Variants in FHOD3 observed in about 807,000 individuals in gnomAD.
FHOD3 encodes the protein formin homology 2 domain containing 3.
FHOD3 carries 90 observed loss-of-function variants against 173.0 expected under a neutral mutation model. The observed-to-expected ratio is 0.52, with a 90% CI of 0.44 to 0.62. The LOEUF (loss-of-function observed/expected upper bound fraction) is 0.62. Among genes scored for constraint, FHOD3 ranks in the 20% least tolerant of loss-of-function variants. The pLI is 0.00. For missense variants in FHOD3, 1,945 were observed against 2,034.7 expected, an observed-to-expected ratio of 0.96 and a Z score of 0.85; for synonymous variants, 828 against 823.0, an observed-to-expected ratio of 1.01 and a Z score of -0.10.
At position 36,649,335 on chromosome 18, in the gene FHOD3, G is replaced by A; in HGVS notation, c.1216G>A (p.Glu406Lys). 1.3e-6 allele frequency: 2 copies of A among 1,535,836 alleles called. No homozygotes were observed. Among genetic ancestry groups the A allele is most frequent in the Non-Finnish European group, 1.7e-6 (2 of 1,146,732 alleles). The change falls in exon 11 of 29, where the codon GAG (glutamate) becomes AAG (lysine). Residue 406 changes from glutamate to lysine, a missense_variant. By Grantham distance (56) the Glu-to-Lys change is moderately conservative. This residue lies in a region of FHOD3 where 1,099 missense variants were observed against 1,051.2 expected (regional missense o/e 1.05). Coordinates refer to ENST00000590592, the MANE Select transcript of FHOD3 (RefSeq NM_001281740.3). ...TCTCAGGGAGGAGGAGGAGGAAGAG[G>A]AGCAGCCAATCACGGAGCCCAGTTC... ...LREKEEEEEE[E>K]QPITEPSSEE...
chr18:36,664,463 G>A (rs116409675), intron 14 of FHOD3, among the ~76,000 whole-genome samples: 121 of 152,226 alleles, frequency 7.9e-4, no homozygotes, highest in African/African-American at 2.4e-3. Flanking sequence ...AATTGATTGC[G>A]TTACATCCAA....
At chr18:36,740,578 A>G (rs1354628470) in intron 20 of FHOD3, 78 bp from the exon 21 acceptor site, 1 of 1,318,896 alleles carries the variant, frequency 7.6e-7, no homozygotes, top group African/African-American at 1.5e-5. Flanking sequence ...AAATTATAAT[A>G]TGAATTTTAT....
chr18:36,322,816 A>T (rs989130064), intron 1 of FHOD3, among the ~76,000 whole-genome samples: 2 of 151,926 alleles, frequency 1.3e-5, no homozygotes, highest in Admixed American at 6.6e-5. Flanking sequence ...CATTTCCCTG[A>T]TAGGGTCATC....
chr18:36,621,958 A>G (rs1224540750), intron 9 of FHOD3, among the ~76,000 whole-genome samples: 1 of 152,230 alleles, frequency 6.6e-6, no homozygotes, highest in Non-Finnish European at 1.5e-5. Flanking sequence ...ATGATGGACG[A>G]ATCAATAAAG....
At chr18:36,307,386 A>G (rs997897553) in intron 1 of FHOD3, among the ~76,000 whole-genome samples, 1 of 152,162 alleles carries the variant, frequency 6.6e-6, no homozygotes, top group African/African-American at 2.4e-5. Context: ...AGAGGATGGA[A>G]ATAGGGTGGA....
intron 3 of FHOD3, among the ~76,000 whole-genome samples, chr18:36,421,586 C>T (rs552925838): frequency 3.9e-5 from 6 of 152,200 alleles, no homozygotes; most frequent in Non-Finnish European, 7.4e-5. Flanking sequence ...CATTTCATAG[C>T]GGTAAAGGTG....
chr18:36,451,818 C>T (rs367778889), intron 3 of FHOD3, among the ~76,000 whole-genome samples: 2 of 152,230 alleles, frequency 1.3e-5, no homozygotes, highest in African/African-American at 4.8e-5. Flanking sequence ...CCTGTTTGTC[C>T]GTCATGTCAT....
intron 5 of FHOD3, among the ~76,000 whole-genome samples, chr18:36,528,062 C>T (rs779314771): frequency 2.5e-4 from 38 of 152,172 alleles, no homozygotes; most frequent in Non-Finnish European, 5.1e-4. Flanking sequence ...CACTTACTTG[C>T]ACCTGGATCC....
chr18:36,517,042 G>T (rs2056026696), intron 5 of FHOD3, among the ~76,000 whole-genome samples: 1 of 151,942 alleles, frequency 6.6e-6, no homozygotes, highest in South Asian at 2.1e-4. Flanking sequence ...GGATGTGTCT[G>T]CTGAGAGGTA....
chr18:36,455,213 A>T (rs1228086038), intron 3 of FHOD3, among the ~76,000 whole-genome samples: 1 of 152,134 alleles, frequency 6.6e-6, no homozygotes, highest in African/African-American at 2.4e-5. Flanking sequence ...TAATTACTCC[A>T]TACCTTTCCA....
chr18:36,701,716 A>G (rs973880381), intron 17 of FHOD3, among the ~76,000 whole-genome samples: 20 of 152,184 alleles, frequency 1.3e-4, no homozygotes, highest in African/African-American at 4.6e-4. Context: ...TTTGGGGGTA[A>G]CACAGCCCAT....
intron 17 of FHOD3, among the ~76,000 whole-genome samples, chr18:36,700,640 C>A (rs1434259335): frequency 6.6e-6 from 1 of 152,116 alleles, no homozygotes; most frequent in East Asian, 1.9e-4. Context: ...GGTTTCACTT[C>A]TTCCAGGCTC....
At chr18:36,402,781 G>A (rs1446493116) in intron 3 of FHOD3, among the ~76,000 whole-genome samples, 1 of 152,120 alleles carries the variant, frequency 6.6e-6, no homozygotes, top group Non-Finnish European at 1.5e-5. Flanking sequence ...GATTTTTAAG[G>A]CTTTAACAAA....
In FHOD3 at chr18:36,469,671, C is replaced by T. The variant is rs539238735; in HGVS notation, c.338-32261C>T. Among the ~76,000 whole-genome samples, 10 of 152,254 alleles carry T rather than the reference C, an allele frequency of 6.6e-5. No homozygotes were observed. In the East Asian group the frequency reaches 1.9e-3, roughly 29 times the overall value. ...AAAATAACTTGGCAGGCATGTCAGG[C>T]TCGGCAGGGGGTTGTGAGGCCTCAT... On this transcript the variant is annotated intron_variant, in intron 3 of 28. Coordinates refer to ENST00000590592, the MANE Select transcript of FHOD3 (RefSeq NM_001281740.3).
chr18:36,730,851 C>A (rs1470008490), intron 20 of FHOD3, 47 bp downstream of exon 20: 1 of 1,535,492 alleles, frequency 6.5e-7, no homozygotes, highest in Non-Finnish European at 9.0e-7. Context: ...TCTTATACTG[C>A]ATGTATAATA....
chr18:36,401,643 T>C (rs1376142099), intron 3 of FHOD3, among the ~76,000 whole-genome samples: 1 of 152,190 alleles, frequency 6.6e-6, no homozygotes. Context: ...ACTTTCCCAA[T>C]GTGTAAAACA....
intron 3 of FHOD3, among the ~76,000 whole-genome samples, chr18:36,455,397 C>T (rs117476815): frequency 3.0e-3 from 459 of 152,230 alleles, no homozygotes; most frequent in Non-Finnish European, 5.7e-3. Context: ...ATAGGAGCAA[C>T]AAGAAGTGGG....
At chr18:36,450,302 G>C (rs546031839) in intron 3 of FHOD3, among the ~76,000 whole-genome samples, 71 of 152,268 alleles carry the variant, frequency 4.7e-4, no homozygotes, top group African/African-American at 1.6e-3. Flanking sequence ...TGAGAGGGAA[G>C]GCAGCCAGCG....
At chr18:36,471,169 G>A (rs1204106882) in intron 3 of FHOD3, among the ~76,000 whole-genome samples, 2 of 152,172 alleles carry the variant, frequency 1.3e-5, no homozygotes, top group African/African-American at 2.4e-5. Flanking sequence ...GCTCCTCCTG[G>A]TACTCTGCCC....
Sources: allele counts gnomAD v4.1 joint callset (sites outside exome capture counted in the v4.1 genomes callset), GRCh38; gene constraint gnomAD v4.1.1; regional missense constraint gnomAD v4.1.1; transcripts MANE v1.5; gene names NCBI Gene and HGNC (gene_info 2026-07-23, HGNC 2026-07-21).